CD36: variants seen among roughly 807,000 people sequenced by gnomAD.
The protein encoded by CD36 is platelet glycoprotein 4.
Under a neutral mutation model 55.2 loss-of-function variants are expected in CD36, and 119 were observed. That is an observed-to-expected ratio of 2.15 (90% CI 1.86 to 2.51). The LOEUF is 2.51. Ranked by LOEUF, CD36 falls within the 30% of genes most tolerant of loss-of-function variation. The probability of loss-of-function intolerance (pLI) is 0.00; values close to 1 mark genes in which losing one functional copy is unlikely to be tolerated. For missense variants in CD36, 819 were observed against 555.5 expected (o/e 1.47, Z -4.77); for synonymous variants, 186 against 193.6 (o/e 0.96, Z 0.33).
intron 3 of CD36, among the ~76,000 whole-genome samples, 169 bp from the exon 4 acceptor site, chr7:80,656,371 G>A (rs1242035968): frequency 2.6e-5 from 4 of 152,118 alleles, no homozygotes; most frequent in Admixed American, 2.6e-4. Context: ...ATAATAATTT[G>A]TTGAAAACAT....
At chr7:80,670,063 C>G in intron 9 of CD36, 41 bp downstream of exon 9, 2 of 1,237,586 alleles carry the variant, frequency 1.6e-6, no homozygotes, top group Non-Finnish European at 2.4e-6. Context: ...TGAGTCAGAC[C>G]CCAGGTGACA....
chr7:80,604,390 T>A (rs199815843), intron 1 of CD36, among the ~76,000 whole-genome samples: 21 of 109,642 alleles, frequency 1.9e-4, no homozygotes, highest in South Asian at 1.4e-3. Context: ...TTTTTTTTTT[T>A]AGCAAAGTAT....
At chr7:80,626,547 T>C (rs1032122552) in intron 1 of CD36, among the ~76,000 whole-genome samples, 3 of 152,086 alleles carry the variant, frequency 2.0e-5, no homozygotes, top group Admixed American at 2.0e-4. Flanking sequence ...AATTTAGCTT[T>C]AATACTTCTA....
chr7:80,658,593 A>G (rs1018270048), intron 4 of CD36, among the ~76,000 whole-genome samples: 5 of 152,144 alleles, frequency 3.3e-5, no homozygotes, highest in African/African-American at 1.2e-4. Context: ...CCTAGGCTCA[A>G]GTGATCCTCC....
intron 9 of CD36, chr7:80,670,485 T>G (rs1797557402): frequency 8.9e-6 from 2 of 225,458 alleles, no homozygotes; most frequent in Non-Finnish European, 1.8e-5. Context: ...TCTGTACAAT[T>G]TAAGACAGCA....
At chr7:80,651,615 T>G (rs1313695092) in intron 3 of CD36, among the ~76,000 whole-genome samples, 1 of 152,126 alleles carries the variant, frequency 6.6e-6, no homozygotes, top group East Asian at 1.9e-4. Context: ...TTCATTAAAA[T>G]GGTTATACAT....
At chr7:80,637,277 G>T (rs1794484682), upstream of CD36, among the ~76,000 whole-genome samples, 1 of 151,812 alleles carries the variant, frequency 6.6e-6, no homozygotes, top group Admixed American at 6.6e-5. Context: ...AAAATAATAT[G>T]TCTTTATACT....
At chr7:80,609,078 G>T (rs1381358735) in intron 1 of CD36, among the ~76,000 whole-genome samples, 2 of 152,056 alleles carry the variant, frequency 1.3e-5, no homozygotes, top group African/African-American at 4.8e-5. Context: ...AAAAATCCTT[G>T]AGTAGTCCTA....
In CD36 at chr7:80,667,315, G is replaced by A. The variant is rs190128201; in HGVS notation, c.748+826G>A. Among the ~76,000 whole-genome samples, 17 of 151,588 alleles carry A rather than the reference G, an allele frequency of 1.1e-4. No homozygotes were observed. In the East Asian group the frequency reaches 2.2e-3, roughly 19 times the overall value. On this transcript the variant is annotated intron_variant, in intron 8 of 14. Coordinates refer to ENST00000447544, the MANE Select transcript of CD36 (RefSeq NM_001001548.3). ...TGTGCTGGCACACGCTTTTAGTTCC[G>A]GCTACTTGGGAGGCTGAGGCAGGAG...
At chr7:80,633,547 C>T (rs1053266501) in intron 1 of CD36, among the ~76,000 whole-genome samples, 2 of 152,036 alleles carry the variant, frequency 1.3e-5, no homozygotes, top group Non-Finnish European at 2.9e-5. Context: ...CAGCATTTCA[C>T]TAGCATTACA....
intron 3 of CD36, among the ~76,000 whole-genome samples, chr7:80,654,487 A>G (rs369236006): frequency 6.6e-6 from 1 of 152,300 alleles, no homozygotes; most frequent in Admixed American, 6.5e-5. Flanking sequence ...AAGTCTCTTG[A>G]AATGGAGAAA....
intron 9 of CD36, 150 bp downstream of exon 9, chr7:80,670,172 A>G (rs1170654939): frequency 6.7e-5 from 43 of 640,462 alleles, no homozygotes; most frequent in Non-Finnish European, 1.1e-4. Flanking sequence ...AATTTTTAAT[A>G]GTACAAATTT....
chr7:80,661,281 G>C, intron 5 of CD36, 71 bp downstream of exon 5: 1 of 1,394,202 alleles, frequency 7.2e-7, no homozygotes, highest in Non-Finnish European at 1.0e-6. Context: ...CCTATCATTA[G>C]AATTATTAGG....
upstream of CD36, among the ~76,000 whole-genome samples, chr7:80,636,467 AG>A (rs34028827): frequency 6.6e-6 from 1 of 150,472 alleles, no homozygotes; most frequent in East Asian, 2.0e-4. Context: ...CAATATAACT[AG>A]GGCCCGGTAG....
chr7:80,636,107 C>CAA (rs35574179), upstream of CD36, among the ~76,000 whole-genome samples: 102 of 152,182 alleles, frequency 6.7e-4, no homozygotes, highest in Non-Finnish European at 1.1e-3. Flanking sequence ...AGGGCAAAAA[C>CAA]AAAAGTCAAT....
At chr7:80,616,795 T>G (rs907553043) in intron 1 of CD36, among the ~76,000 whole-genome samples, 2 of 152,162 alleles carry the variant, frequency 1.3e-5, no homozygotes, top group African/African-American at 2.4e-5. Context: ...ACTGTTACCC[T>G]ACAAGTGCAA....
Position 80,674,019 on chromosome 7 carries a change from A to T in CD36, c.1291A>T (p.Arg431Ter), listed in dbSNP as rs140728267. 5.6e-6 allele frequency: 9 copies of T among 1,612,428 alleles called. No individual in the cohort carries two copies. In the Admixed American group the frequency reaches 1.5e-4, roughly 27 times the overall value. The change falls in exon 14 of 15, where the codon AGA becomes TGA. Residue 431 changes from arginine to a stop codon, truncating the protein, a stop_gained. Transcript: ENST00000447544. LOFTEE classifies it high-confidence loss of function. ...TGGTGATGAGAAGGCAAACATGTTCAGAAGTCAAGTAACTGGAAAAATAAA... is the reference window on the plus strand; with the variant it reads ...TGGTGATGAGAAGGCAAACATGTTCTGAAGTCAAGTAACTGGAAAAATAAA... ...TIGDEKANMFRSQVTGKINLL... is the reference protein window; with the variant it reads ...TIGDEKANMF
At chr7:80,674,560 T>A in intron 14 of CD36, 1 of 239,250 alleles carries the variant, frequency 4.2e-6, no homozygotes, top group South Asian at 5.2e-5. Flanking sequence ...TCCAGAAAAG[T>A]CCTGAACAAA....
chr7:80,656,514 A>G (rs768632712), intron 3 of CD36, 26 bp from the exon 4 acceptor site: 2 of 1,610,554 alleles, frequency 1.2e-6, no homozygotes, highest in East Asian at 4.5e-5. Context: ...CAAAGACATA[A>G]CCCAAACTTA....
Sources: allele counts gnomAD v4.1 joint callset (sites outside exome capture counted in the v4.1 genomes callset), GRCh38; gene constraint gnomAD v4.1.1; transcripts MANE v1.5; gene names NCBI Gene and HGNC (gene_info 2026-07-23, HGNC 2026-07-21).